The following ZFYVE16 variants were observed in gnomAD, a reference collection of about 807,000 sequenced individuals.
ZFYVE16 encodes zinc finger FYVE-type containing 16, also known as zinc finger FYVE domain-containing protein 16.
In ZFYVE16, 89 loss-of-function variants were observed where a neutral mutation model predicts 138.1. The observed-to-expected ratio is 0.64, with a 90% CI of 0.54 to 0.77. The LOEUF (loss-of-function observed/expected upper bound fraction) is 0.77, where lower values mean the gene tolerates loss of function less well. Among genes scored for constraint, ZFYVE16 ranks in the 30% least tolerant of loss-of-function variants. The probability of loss-of-function intolerance (pLI) is 0.00; values close to 1 mark genes in which losing one functional copy is unlikely to be tolerated. For missense variants in ZFYVE16, 1,793 were observed against 1,786.7 expected (o/e 1.00, Z -0.06); for synonymous variants, 596 against 618.3 (o/e 0.96, Z 0.53).
chr5:80,415,085 T>C (rs188616321), intron 1 of ZFYVE16, among the ~76,000 whole-genome samples: 4 of 152,352 alleles, frequency 2.6e-5, no homozygotes, highest in Admixed American at 2.0e-4. Context: ...CCTCATTAGA[T>C]TGATTCTCTA....
At chr5:80,453,653 A>G (rs1196838518) in intron 11 of ZFYVE16, among the ~76,000 whole-genome samples, 2 of 152,204 alleles carry the variant, frequency 1.3e-5, no homozygotes, top group Non-Finnish European at 2.9e-5. Context: ...TAGATTTTAC[A>G]TAGACTGGCA....
intron 15 of ZFYVE16, among the ~76,000 whole-genome samples, chr5:80,470,847 A>G (rs1051708091): frequency 6.6e-6 from 1 of 152,146 alleles, no homozygotes; most frequent in African/African-American, 2.4e-5. Context: ...TGTCATTGTT[A>G]TATGTAGGGA....
At chr5:80,468,038 C>T (rs1753917782) in intron 15 of ZFYVE16, among the ~76,000 whole-genome samples, 1 of 152,098 alleles carries the variant, frequency 6.6e-6, no homozygotes. Context: ...CCAAGCTACT[C>T]AGGAGGTTGA....
At chr5:80,447,808 A>G (rs1398851740) in intron 7 of ZFYVE16, among the ~76,000 whole-genome samples, 1 of 152,214 alleles carries the variant, frequency 6.6e-6, no homozygotes, top group Non-Finnish European at 1.5e-5. Flanking sequence ...CATGCAGTAA[A>G]ACTAAAACCT....
chr5:80,481,451 G>A lies in ZFYVE16; in HGVS notation c.*4074G>A, dbSNP rs1755266805. 6.6e-6 allele frequency among the ~76,000 whole-genome samples: 1 copy of A among 152,094 alleles called. No homozygotes were observed. The highest frequency in any genetic ancestry group is 2.4e-5 in the African/African-American group (1 of 41,414). On this transcript the variant is annotated 3_prime_UTR_variant, in exon 19 of 19. Transcript: ENST00000505560. ...AAGGTTCTGAACACTGAATTACAGT[G>A]TAGGCCACTGTCCAAGTTTCAGATT...
chr5:80,477,756 T>C lies in ZFYVE16; in HGVS notation c.*379T>C, dbSNP rs886159426. ...CAGATGTAACCTTATGAAGGAAATA[T>C]CTGCTTTGTGTATATGCCAGTTAGA... On this transcript the variant is annotated 3_prime_UTR_variant, in exon 19 of 19. Coordinates refer to ENST00000505560, the MANE Select transcript of ZFYVE16 (RefSeq NM_001284236.3). 1 of 155,924 alleles carries C rather than the reference T, an allele frequency of 6.4e-6. No individual in the cohort carries two copies. Among genetic ancestry groups the C allele is most frequent in the African/African-American group, 2.4e-5 (1 of 41,530 alleles). The allele number at this position is 155,924 out of a possible 1,614,324, so 9.7% of individuals were successfully genotyped here. A position where few individuals can be genotyped will look rare whatever the true frequency, so the allele number is the denominator to read the frequency against.
At chr5:80,449,866 A>G (rs1242968821) in intron 9 of ZFYVE16, among the ~76,000 whole-genome samples, 153 bp downstream of exon 9, 2 of 152,142 alleles carry the variant, frequency 1.3e-5, no homozygotes, top group South Asian at 2.1e-4. Flanking sequence ...AAATTTTGCA[A>G]ATTTATGTTC....
chr5:80,473,000 A>G, intron 16 of ZFYVE16, 77 bp downstream of exon 16: 3 of 1,265,192 alleles, frequency 2.4e-6, no homozygotes, highest in Non-Finnish European at 3.2e-6. Flanking sequence ...AATAAAATTA[A>G]ATATTTTATG....
chr5:80,469,862 A>T (rs401612), intron 15 of ZFYVE16, among the ~76,000 whole-genome samples: 1 of 150,162 alleles, frequency 6.7e-6, no homozygotes, highest in African/African-American at 2.5e-5. Context: ...TTGGGCTTTC[A>T]GTTTTAGTTA....
intron 2 of ZFYVE16, among the ~76,000 whole-genome samples, chr5:80,431,189 A>G (rs368620567): frequency 1.1e-4 from 16 of 152,362 alleles, no homozygotes; most frequent in South Asian, 8.3e-4. Context: ...AAAATCCTCA[A>G]TCAAATACTG....
At position 80,450,484 on chromosome 5, in the gene ZFYVE16, C is replaced by G. The variant is rs757063584; in HGVS notation, c.3280C>G (p.Gln1094Glu). ...FSTNGLHGLG[Q>E]AEIIILLLCL... The stretch of plus-strand genomic sequence containing the variant: ...AACCAATGGATTGCATGGCTTGGGA[C>G]AGGCAGAAATTATTATTCTATTGTT... The change falls in exon 10 of 19, where the codon CAG (glutamine) becomes GAG (glutamate). Residue 1094 changes from glutamine (Q) to glutamate (E), a missense_variant. This residue lies in a region of ZFYVE16 where 498 missense variants were observed against 582.4 expected (regional missense o/e 0.86). Coordinates refer to ENST00000505560, the MANE Select transcript of ZFYVE16 (RefSeq NM_001284236.3). 9 of 1,613,632 alleles carry G rather than the reference C, an allele frequency of 5.6e-6. No individual in the cohort carries two copies. The highest frequency in any genetic ancestry group is 3.4e-6 in the Non-Finnish European group (4 of 1,179,732).
At chr5:80,442,070 AAG>A in intron 5 of ZFYVE16, 1 of 398,522 alleles carries the variant, frequency 2.5e-6, no homozygotes, top group Non-Finnish European at 3.4e-6. Flanking sequence ...TAAAAAGTGT[AAG>A]AGTGATAGAT....
rs779318105 is a variant in ZFYVE16 at position 80,474,713 on chromosome 5, T to C, written c.4344T>C (p.Tyr1448=). The C allele has an allele frequency of 6.2e-6, 10 of 1,613,800 alleles. No individual in the cohort carries two copies. In the African/African-American group the frequency reaches 8.0e-5, roughly 13 times the overall value. Residue 1448 remains tyrosine (Y), a synonymous_variant, in exon 18 of 19, where the codon TAT becomes TAC. Transcript: ENST00000505560. ...DQDLSILSTS[Y]QFAKEIAMAC... is the part of the protein sequence containing the mutation. ...ATTTATCTATTTTATCAACTTCTTA[T>C]CAGTTTGCAAAAGAAATAGCCATGG...
Position 80,445,403 on chromosome 5 carries a change from A to G in ZFYVE16, c.2722A>G (p.Met908Val), listed in dbSNP as rs149576332. Residue 908 changes from methionine to valine, a missense_variant and splice_region_variant, in exon 7 of 19, where the codon ATG becomes GTG. Around this residue, in one of 2 missense-constraint regions of ZFYVE16, gnomAD observed 1,295 missense variants for 1,204.3 expected, o/e 1.08. Transcript: ENST00000505560. ...DFSPLSPDVP[M>V]TVNTVDHSHS... ...TAGTCCTCTCTCACCTGATGTGCCT[A>G]TGGTAAGGAATTCAAAGAATAACTT... The G allele has an allele frequency of 1.6e-5, 25 of 1,607,888 alleles. No homozygotes were observed. In the African/African-American group the frequency reaches 1.6e-4, roughly 10 times the overall value.
intron 9 of ZFYVE16, among the ~76,000 whole-genome samples, chr5:80,449,931 A>G (rs1417387990): frequency 9.2e-5 from 14 of 152,158 alleles, no homozygotes; most frequent in Non-Finnish European, 2.1e-4. Flanking sequence ...TGTCAATCTT[A>G]GGTTAAGGTC....
chr5:80,411,134 ATTTTTTTTTTT>A (rs58086060), intron 1 of ZFYVE16, among the ~76,000 whole-genome samples: 1 of 95,244 alleles, frequency 1.0e-5, no homozygotes, highest in East Asian at 3.1e-4. Context: ...CGCCCAGCTA[ATTTTTTTTTTT>A]TTTTTTTTTT....
chr5:80,449,077 A>G (rs751308935), intron 8 of ZFYVE16, among the ~76,000 whole-genome samples: 4 of 152,056 alleles, frequency 2.6e-5, no homozygotes, highest in Non-Finnish European at 5.9e-5. Flanking sequence ...GCAAAAATAT[A>G]GTAAGCCCTA....
Position 80,408,096 on chromosome 5 carries a change from A to G in ZFYVE16, c.-151A>G, listed in dbSNP as rs965472279. 34 of 152,156 alleles carry G rather than the reference A, an allele frequency of 2.2e-4. No individual in the cohort carries two copies. The highest frequency in any genetic ancestry group is 8.2e-4 in the African/African-American group (34 of 41,502). The allele number at this position is 152,156 out of a possible 1,614,324, so 9.4% of individuals were successfully genotyped here. ...GGACTCCCGGCCGGGGTAGCTCTTCACTCCTCAGCGCGACGTCGTGTCGAG... is the reference window on the plus strand; with the variant it reads ...GGACTCCCGGCCGGGGTAGCTCTTCGCTCCTCAGCGCGACGTCGTGTCGAG... On this transcript the variant is annotated 5_prime_UTR_variant, in exon 1 of 19. Coordinates refer to ENST00000505560, the MANE Select transcript of ZFYVE16 (RefSeq NM_001284236.3).
rs771380598 is a variant in ZFYVE16 at position 80,472,768 on chromosome 5, A to C, written c.4032A>C (p.Leu1344Phe). The change falls in exon 16 of 19, where the codon TTA becomes TTC. Residue 1344 changes from leucine (L) to phenylalanine (F), a missense_variant. Around this residue, in one of 2 missense-constraint regions of ZFYVE16, gnomAD observed 498 missense variants for 582.4 expected, o/e 0.86. Coordinates refer to ENST00000505560, the MANE Select transcript of ZFYVE16 (RefSeq NM_001284236.3). ...ACTTAGTCTCATTTCTAGATGGCTTAATGGTACAAATAACTCCAGAGACCA... is the reference window on the plus strand; with the variant it reads ...ACTTAGTCTCATTTCTAGATGGCTTCATGGTACAAATAACTCCAGAGACCA... Reference protein sequence around the residue: ...LAKSSIVEDGLMVQITPETMN... With the variant: ...LAKSSIVEDGFMVQITPETMN... 142 of 1,613,182 alleles carry C rather than the reference A, an allele frequency of 8.8e-5. No individual in the cohort carries two copies. Among genetic ancestry groups the C allele is most frequent in the Non-Finnish European group, 1.2e-4 (138 of 1,179,734 alleles).
Sources: gnomAD v4.1 joint callset for allele counts (sites outside exome capture counted in the v4.1 genomes callset) on GRCh38, gnomAD v4.1.1 for gene constraint, gnomAD v4.1.1 regional missense constraint, MANE v1.5 for transcripts, NCBI Gene and HGNC (gene_info 2026-07-23, HGNC 2026-07-21) for gene names.